TENM3: variants seen among roughly 807,000 people sequenced by gnomAD.
TENM3 encodes teneurin-3.
A neutral mutation model predicts 255.1 loss-of-function variants in TENM3; 63 were observed. The ratio of observed to expected loss-of-function variants is 0.25; its 90% CI spans 0.20 to 0.30. The LOEUF is 0.30. TENM3 is among the 10% of genes least tolerant of loss of function. The pLI, the probability that TENM3 is intolerant of heterozygous loss-of-function variation, is 1.00. For synonymous variants in TENM3, 1,306 were observed against 1,322.3 expected, an observed-to-expected ratio of 0.99 and a Z score of 0.27; for missense variants, 2,929 against 3,461.1, an observed-to-expected ratio of 0.85 and a Z score of 3.86.
intron 1 of TENM3, among the ~76,000 whole-genome samples, chr4:182,146,545 C>T (rs1197259585): frequency 6.6e-6 from 1 of 151,896 alleles, no homozygotes; most frequent in Non-Finnish European, 1.5e-5. Flanking sequence ...TTTTCTTACA[C>T]GAATTTTATT....
At chr4:182,364,148 A>C (rs914480656) in intron 3 of TENM3, among the ~76,000 whole-genome samples, 3 of 151,898 alleles carry the variant, frequency 2.0e-5, no homozygotes, top group Non-Finnish European at 2.9e-5. Context: ...TAATACCCCA[A>C]GTAAAATGAT....
At chr4:182,330,106 G>A (rs1277778848) in intron 2 of TENM3, among the ~76,000 whole-genome samples, 6 of 152,048 alleles carry the variant, frequency 3.9e-5, no homozygotes, top group Admixed American at 3.9e-4. Flanking sequence ...TTGCAGAGAA[G>A]ATACTGTAGG....
the TENM3 span, among the ~76,000 whole-genome samples, chr4:181,916,065 C>T: frequency 6.6e-6 from 1 of 152,074 alleles, no homozygotes; most frequent in Non-Finnish European, 1.5e-5. Flanking sequence ...CTGGTTTCAA[C>T]CTAACTCGAT....
chr4:182,268,009 A>G (rs1325034337), intron 1 of TENM3, among the ~76,000 whole-genome samples: 2 of 152,194 alleles, frequency 1.3e-5, no homozygotes, highest in Non-Finnish European at 2.9e-5. Flanking sequence ...GGGATGGGTA[A>G]TGTAGAAATC....
chr4:182,084,666 A>T, the TENM3 span, among the ~76,000 whole-genome samples: 1 of 152,346 alleles, frequency 6.6e-6, no homozygotes, highest in South Asian at 2.1e-4. Flanking sequence ...ATGATAGAGT[A>T]TAAGTAGATG....
At chr4:182,755,337 A>C in intron 22 of TENM3, 78 bp downstream of exon 22, 1 of 1,277,352 alleles carries the variant, frequency 7.8e-7, no homozygotes, top group Non-Finnish European at 1.0e-6. Context: ...ATATAATCTT[A>C]AGAGCTGGAG....
chr4:181,985,820 T>C, the TENM3 span, among the ~76,000 whole-genome samples: 36 of 152,268 alleles, frequency 2.4e-4, no homozygotes, highest in African/African-American at 8.2e-4. Context: ...AGTGGTTGTT[T>C]TTAAAGCAAG....
chr4:182,623,147 A>T (rs929664243), intron 4 of TENM3, among the ~76,000 whole-genome samples: 9 of 151,528 alleles, frequency 5.9e-5, no homozygotes, highest in African/African-American at 2.2e-4. Context: ...AGTAGCTGGG[A>T]CTACAGGCGC....
At chr4:182,645,683 A>G (rs754851501) in intron 5 of TENM3, among the ~76,000 whole-genome samples, 1 of 152,168 alleles carries the variant, frequency 6.6e-6, no homozygotes, top group Non-Finnish European at 1.5e-5. Flanking sequence ...GGTTTTTGGC[A>G]GACTTCAGTC....
intron 12 of TENM3, among the ~76,000 whole-genome samples, chr4:182,698,591 G>A (rs1000384504): frequency 6.6e-5 from 10 of 152,162 alleles, no homozygotes; most frequent in Non-Finnish European, 1.3e-4. Context: ...CAGTCATGTT[G>A]GTGATTTATT....
chr4:181,728,475 T>G, the TENM3 span, among the ~76,000 whole-genome samples: 1 of 152,184 alleles, frequency 6.6e-6, no homozygotes, highest in Admixed American at 6.5e-5. Flanking sequence ...GGGATGGAGA[T>G]TCCCTGGAAC....
intron 1 of TENM3, among the ~76,000 whole-genome samples, chr4:182,273,662 A>G (rs1012346320): frequency 6.6e-6 from 1 of 152,212 alleles, no homozygotes; most frequent in Non-Finnish European, 1.5e-5. Context: ...GGTGCAAAAC[A>G]ATTAAAGAAA....
At chr4:181,678,535 C>G in the TENM3 span, among the ~76,000 whole-genome samples, 1 of 151,938 alleles carries the variant, frequency 6.6e-6, no homozygotes, top group Admixed American at 6.6e-5. Flanking sequence ...TATCAAAACT[C>G]TAGTGCCAAG....
intron 3 of TENM3, among the ~76,000 whole-genome samples, chr4:182,556,577 T>A (rs1399650477): frequency 6.6e-6 from 1 of 152,240 alleles, no homozygotes; most frequent in African/African-American, 2.4e-5. Flanking sequence ...ATTTAGAGAA[T>A]GGTAGCTTAT....
chr4:182,132,459 C>T, the TENM3 span, among the ~76,000 whole-genome samples: 1 of 151,964 alleles, frequency 6.6e-6, no homozygotes, highest in African/African-American at 2.4e-5. Flanking sequence ...CTCACTGCCA[C>T]AGCCTGGGCA....
chr4:181,809,963 G>C, the TENM3 span, among the ~76,000 whole-genome samples: 1 of 152,206 alleles, frequency 6.6e-6, no homozygotes, highest in Admixed American at 6.5e-5. Context: ...GCTCATTTTG[G>C]ACTTCTCACC....
chr4:182,436,845 C>T (rs1772084174), intron 3 of TENM3, among the ~76,000 whole-genome samples: 2 of 151,926 alleles, frequency 1.3e-5, no homozygotes, highest in South Asian at 4.2e-4. Flanking sequence ...TGGTGAAACC[C>T]CATCTCTACT....
At chr4:182,680,442 G>GA (rs111914645) in intron 9 of TENM3, 93 bp downstream of exon 9, 20 of 1,421,318 alleles carry the variant, frequency 1.4e-5, no homozygotes, top group South Asian at 1.2e-4. Flanking sequence ...AAGAAAGGGG[G>GA]GGGGAGACTG....
At chr4:181,704,830 T>A in the TENM3 span, among the ~76,000 whole-genome samples, 1 of 151,964 alleles carries the variant, frequency 6.6e-6, no homozygotes. Flanking sequence ...GTCAGGAGTT[T>A]GAAACCAGCC....
Sources: gnomAD v4.1 joint callset for allele counts (sites outside exome capture counted in the v4.1 genomes callset) on GRCh38, gnomAD v4.1.1 for gene constraint, MANE v1.5 for transcripts, NCBI Gene and HGNC (gene_info 2026-07-23, HGNC 2026-07-21) for gene names.